The following CUBN variants were observed in gnomAD, a reference collection of about 807,000 sequenced individuals.
The protein encoded by CUBN is cubilin, also known as 460 kDa receptor.
In CUBN, 282 loss-of-function variants were observed where a neutral mutation model predicts 405.3. That is an observed-to-expected ratio of 0.70 (90% CI 0.63 to 0.77). The LOEUF (loss-of-function observed/expected upper bound fraction) is 0.77. Ranked by LOEUF, CUBN falls within the 30% of genes least tolerant of loss-of-function variation. The pLI is 0.00. For missense variants in CUBN, 4,514 were observed against 4,475.2 expected, an observed-to-expected ratio of 1.01 and a Z score of -0.25; for synonymous variants, 1,684 against 1,617.0, an observed-to-expected ratio of 1.04 and a Z score of -0.99.
intron 29 of CUBN, among the ~76,000 whole-genome samples, chr10:16,986,341 G>A (rs1029921921): frequency 1.4e-5 from 2 of 145,226 alleles, no homozygotes; most frequent in Admixed American, 7.0e-5. Flanking sequence ...CCCACCCTCA[G>A]GACCCACTGC....
intron 41 of CUBN, among the ~76,000 whole-genome samples, chr10:16,927,759 C>T (rs1438200977): frequency 1.3e-5 from 2 of 152,224 alleles, no homozygotes; most frequent in African/African-American, 4.8e-5. Flanking sequence ...TGGCTGACTT[C>T]AACCAAGTAA....
intron 4 of CUBN, 110 bp from the exon 5 acceptor site, chr10:17,123,799 T>A: frequency 1.4e-6 from 1 of 723,366 alleles, no homozygotes; most frequent in Non-Finnish European, 2.5e-6. Context: ...GGGGGTCTCC[T>A]TCTACACTTT....
intron 36 of CUBN, among the ~76,000 whole-genome samples, chr10:16,942,423 C>A (rs368073526): frequency 6.6e-6 from 1 of 151,984 alleles, no homozygotes; most frequent in Non-Finnish European, 1.5e-5. Flanking sequence ...GAAAACAAAC[C>A]GAATACACAT....
intron 26 of CUBN, 107 bp downstream of exon 26, chr10:17,043,720 G>T: frequency 6.7e-7 from 1 of 1,501,606 alleles, no homozygotes; most frequent in South Asian, 1.1e-5. Context: ...TCTAGGCACT[G>T]AACAGCGAGT....
intron 51 of CUBN, among the ~76,000 whole-genome samples, chr10:16,902,109 A>G (rs910200973): frequency 2.2e-5 from 3 of 137,048 alleles, no homozygotes; most frequent in African/African-American, 8.1e-5. Flanking sequence ...ATACACACAC[A>G]CACCATATAT....
At chr10:16,844,742 A>G (rs1210101435) in intron 60 of CUBN, among the ~76,000 whole-genome samples, 2 of 152,180 alleles carry the variant, frequency 1.3e-5, no homozygotes, top group South Asian at 2.1e-4. Context: ...CAAGATCTCT[A>G]TCTGCTCTCT....
intron 27 of CUBN, among the ~76,000 whole-genome samples, chr10:17,027,873 T>A (rs2131799855): frequency 6.6e-6 from 1 of 152,320 alleles, no homozygotes; most frequent in South Asian, 2.1e-4. Flanking sequence ...TATTATTAAT[T>A]AGGCTAATTA....
intron 40 of CUBN, among the ~76,000 whole-genome samples, chr10:16,932,072 C>T (rs1249957909): frequency 6.6e-6 from 1 of 152,066 alleles, no homozygotes; most frequent in Non-Finnish European, 1.5e-5. Context: ...GTGCTGATAG[C>T]CGATTGCTGA....
chr10:17,129,709 A>C lies in CUBN; in HGVS notation c.57T>G (p.Ala19=), dbSNP rs1837275516. 1 of 1,614,124 alleles carries C rather than the reference A, an allele frequency of 6.2e-7. No individual in the cohort carries two copies. The highest frequency in any genetic ancestry group is 1.1e-5 in the South Asian group (1 of 91,084). The part of the protein sequence containing the change: ...LWSLLTLLIF[A]EVNGEAGELE... ...GTTCTCCAGCTTCGCCATTTACTTC[A>C]GCAAATATTAATAAGGTAAGCAAAC... is the stretch of plus-strand genomic sequence containing the variant. Residue 19 remains alanine, a synonymous_variant, in exon 1 of 67, where the codon GCT becomes GCG. Transcript: ENST00000377833.
intron 28 of CUBN, among the ~76,000 whole-genome samples, chr10:17,007,298 T>C (rs1017917488): frequency 4.6e-5 from 7 of 152,078 alleles, no homozygotes; most frequent in Non-Finnish European, 8.8e-5. Context: ...TGGCCATTTC[T>C]TTATTTCCAG....
chr10:17,070,123 A>T (rs1835705439), intron 19 of CUBN, among the ~76,000 whole-genome samples: 1 of 152,184 alleles, frequency 6.6e-6, no homozygotes, highest in African/African-American at 2.4e-5. Flanking sequence ...TGTTGAAAAA[A>T]TGATTTTTCT....
rs553461980 is a variant in CUBN, at chr10:17,032,065, T to C, written c.4017+8968A>G. ...TGTGAACTCTGCCTGGAGAGGAAGATAGACCTCGCCAGGGAGGAGCCACTG... is the reference window on the plus strand; with the variant it reads ...TGTGAACTCTGCCTGGAGAGGAAGACAGACCTCGCCAGGGAGGAGCCACTG... On this transcript the variant is annotated intron_variant, in intron 27 of 66. Transcript: ENST00000377833. 3.3e-5 allele frequency among the ~76,000 whole-genome samples: 5 copies of C among 152,242 alleles called. No individual in the cohort carries two copies. In the South Asian group the frequency reaches 8.3e-4, roughly 25 times the overall value.
At position 16,903,972 on chromosome 10, in the gene CUBN, A is replaced by G. The variant is rs755819982; in HGVS notation, c.8056T>C (p.Phe2686Leu). 3.9e-5 allele frequency: 63 copies of G among 1,605,574 alleles called. No homozygotes were observed. In the South Asian group the frequency reaches 6.9e-4, roughly 18 times the overall value. The change falls in exon 51 of 67, where the codon TTT (phenylalanine) becomes CTT (leucine). Residue 2686 changes from phenylalanine (F) to leucine (L), a missense_variant. Coordinates refer to ENST00000377833, the MANE Select transcript of CUBN (RefSeq NM_001081.4). Reference protein sequence around the residue: ...EHIGFHAKYSFTDCGGIQIGD... With the variant: ...EHIGFHAKYSLTDCGGIQIGD... Reference sequence around the variant, plus strand: ...TCTTAATTATAATTCTTACCTGTAAAGGAATACTTTGCATGGAATCCAATG... The same window carrying G: ...TCTTAATTATAATTCTTACCTGTAAGGGAATACTTTGCATGGAATCCAATG...
chr10:16,827,869 G>A (rs940339819), intron 66 of CUBN, among the ~76,000 whole-genome samples: 9 of 152,192 alleles, frequency 5.9e-5, no homozygotes, highest in African/African-American at 2.2e-4. Flanking sequence ...CCAAAGTGTT[G>A]GGATTGCAGG....
chr10:16,912,927 G>A (rs1312978284), intron 48 of CUBN, among the ~76,000 whole-genome samples: 1 of 152,198 alleles, frequency 6.6e-6, no homozygotes, highest in Non-Finnish European at 1.5e-5. Flanking sequence ...TGTTGAGAAC[G>A]TAGGGAGAGG....
chr10:16,978,642 G>C (rs1156275854), intron 31 of CUBN, among the ~76,000 whole-genome samples: 1 of 152,206 alleles, frequency 6.6e-6, no homozygotes, highest in Non-Finnish European at 1.5e-5. Context: ...TAGCCAGTTG[G>C]ATCTTGTGTA....
chr10:17,011,617 C>A lies in CUBN; in HGVS notation c.4168+8216G>T, dbSNP rs562439285. The stretch of plus-strand genomic sequence containing the variant: ...CCCGAGCAGGTTGCCGCTGCTAGCT[C>A]GGGTGGCCAGCTTTTATTCCCTTAT... On this transcript the variant is annotated intron_variant, in intron 28 of 66. Coordinates refer to ENST00000377833, the MANE Select transcript of CUBN (RefSeq NM_001081.4). Among the ~76,000 whole-genome samples, 11 of 152,264 alleles carry A rather than the reference C, an allele frequency of 7.2e-5. No homozygotes were observed. The East Asian group carries it at 2.1e-3, about 29-fold the overall frequency.
chr10:16,968,404 C>T (rs1047438454), intron 31 of CUBN, among the ~76,000 whole-genome samples: 2 of 152,008 alleles, frequency 1.3e-5, no homozygotes, highest in Non-Finnish European at 2.9e-5. Flanking sequence ...AGTTACTAAT[C>T]ATATTGCTTT....
At chr10:16,826,628 A>G (rs1285799185) in intron 66 of CUBN, among the ~76,000 whole-genome samples, 3 of 152,236 alleles carry the variant, frequency 2.0e-5, no homozygotes, top group Non-Finnish European at 4.4e-5. Context: ...AAAAAAATGT[A>G]AAACTGGGAA....
Sources: gnomAD v4.1 joint callset for allele counts (sites outside exome capture counted in the v4.1 genomes callset) on GRCh38, gnomAD v4.1.1 for gene constraint, MANE v1.5 for transcripts, NCBI Gene and HGNC (gene_info 2026-07-23, HGNC 2026-07-21) for gene names.